Variants in FILIP1 observed in about 807,000 individuals in gnomAD.
The protein encoded by FILIP1 is filamin A interacting protein 1.
In FILIP1, 61 loss-of-function variants were observed where a neutral mutation model predicts 102.1. The observed-to-expected ratio is 0.60, with a 90% CI of 0.49 to 0.74. The LOEUF is 0.74. FILIP1 is among the 30% of genes least tolerant of loss of function. FILIP1 has a pLI of 0.00. For synonymous variants in FILIP1, 491 were observed against 526.9 expected, an observed-to-expected ratio of 0.93 and a Z score of 0.93; for missense variants, 1,314 against 1,441.2, an observed-to-expected ratio of 0.91 and a Z score of 1.43.
chr6:75,460,061 T>A (rs376412394), intron 1 of FILIP1, among the ~76,000 whole-genome samples: 1 of 152,188 alleles, frequency 6.6e-6, no homozygotes, highest in Non-Finnish European at 1.5e-5. Flanking sequence ...GGAGGCCCCA[T>A]AATTCCCTCT....
chr6:75,314,550 G>A lies in FILIP1; in HGVS notation c.1282C>T (p.Leu428=). 1 of 1,613,950 alleles carries A rather than the reference G, an allele frequency of 6.2e-7. No homozygotes were observed. Among genetic ancestry groups the A allele is most frequent in the Non-Finnish European group, 8.5e-7 (1 of 1,180,006 alleles). Residue 428 remains leucine, a synonymous_variant, in exon 5 of 6, where the codon CTA becomes TTA. Transcript: ENST00000237172. ...SKELRLEVEK[L]QKRMSELEKL... ...TCTAGTTCAGACATTCTCTTCTGTA[G>A]CTTCTCAACTTCAAGTCTGAGCTCC...
exon 7 of FILIP1, chr6:75,295,080 CTA>C (rs1772636040): frequency 6.6e-6 from 1 of 151,818 alleles, no homozygotes; most frequent in Non-Finnish European, 1.5e-5. Context: ...ATTGTGAGAA[CTA>C]TCTTTATTTC....
At chr6:75,341,400 T>C (rs1774416959) in intron 4 of FILIP1, among the ~76,000 whole-genome samples, 1 of 151,966 alleles carries the variant, frequency 6.6e-6, no homozygotes, top group African/African-American at 2.4e-5. Flanking sequence ...TCAAGTGATC[T>C]GCCTGCCTCA....
At chr6:75,476,925 C>A (rs1366117279) in intron 1 of FILIP1, among the ~76,000 whole-genome samples, 3 of 152,160 alleles carry the variant, frequency 2.0e-5, no homozygotes, top group African/African-American at 7.2e-5. Context: ...TTCTGTTATA[C>A]AACAATATGG....
intron 1 of FILIP1, among the ~76,000 whole-genome samples, chr6:75,469,381 C>G (rs1403538998): frequency 3.1e-4 from 47 of 151,884 alleles, no homozygotes; most frequent in Admixed American, 3.1e-3. Flanking sequence ...AATTTTTACA[C>G]TATCACAAAA....
At chr6:75,372,258 T>C (rs1775544766) in intron 2 of FILIP1, among the ~76,000 whole-genome samples, 1 of 151,122 alleles carries the variant, frequency 6.6e-6, no homozygotes, top group Non-Finnish European at 1.5e-5. Flanking sequence ...TCCCAGCTAC[T>C]CGAGAGGCTG....
chr6:75,477,358 G>T (rs1445549078), intron 1 of FILIP1, among the ~76,000 whole-genome samples: 1 of 151,918 alleles, frequency 6.6e-6, no homozygotes, highest in Non-Finnish European at 1.5e-5. Flanking sequence ...TGAGATCTAT[G>T]CCACAGCAGA....
At chr6:75,399,294 T>C (rs985244612) in intron 2 of FILIP1, 5 of 152,222 alleles carry the variant, frequency 3.3e-5, no homozygotes, top group Non-Finnish European at 5.9e-5. Context: ...TCCAAGTTTT[T>C]GTGAAGTTTA....
chr6:75,415,310 A>G (rs778086970), intron 1 of FILIP1, among the ~76,000 whole-genome samples: 39 of 152,060 alleles, frequency 2.6e-4, no homozygotes, highest in African/African-American at 9.2e-4. Context: ...GGAGATGTCA[A>G]TTATAGAGGA....
chr6:75,487,907 C>T (rs1779839209), intron 1 of FILIP1, among the ~76,000 whole-genome samples: 1 of 151,938 alleles, frequency 6.6e-6, no homozygotes, highest in African/African-American at 2.4e-5. Context: ...ATCATCGTTT[C>T]CTCAATGTTT....
At chr6:75,343,853 T>G (rs901330125) in intron 4 of FILIP1, among the ~76,000 whole-genome samples, 4 of 152,224 alleles carry the variant, frequency 2.6e-5, no homozygotes, top group African/African-American at 9.6e-5. Context: ...ATTTTATTAT[T>G]GTAACCCTTG....
intron 1 of FILIP1, among the ~76,000 whole-genome samples, chr6:75,417,002 G>T (rs1777292974): frequency 6.6e-6 from 1 of 151,876 alleles, no homozygotes; most frequent in African/African-American, 2.4e-5. Context: ...ATTTCATTCT[G>T]AAATTAATAT....
intron 1 of FILIP1, among the ~76,000 whole-genome samples, chr6:75,418,345 T>C (rs1218594919): frequency 1.3e-5 from 2 of 152,252 alleles, no homozygotes; most frequent in Admixed American, 6.5e-5. Flanking sequence ...TAATATGTTT[T>C]CTGAAATAAT....
intron 1 of FILIP1, among the ~76,000 whole-genome samples, chr6:75,452,579 A>G (rs1778671230): frequency 6.6e-6 from 1 of 152,224 alleles, no homozygotes; most frequent in Non-Finnish European, 1.5e-5. Context: ...CATTGGAAAC[A>G]ACTTAGATGA....
intron 2 of FILIP1, chr6:75,386,328 CA>C (rs1197988488): frequency 6.6e-6 from 1 of 152,196 alleles, no homozygotes; most frequent in African/African-American, 2.4e-5. Context: ...GAACTCACTT[CA>C]TGTTCAACAG....
chr6:75,362,935 G>C lies in FILIP1; in HGVS notation c.277-18C>G. ...TCTCTGGCCTGTAATAGAAAGTGCA[G>C]CAAGATCAGACGACTGACAATGTAA... On this transcript the variant is annotated intron_variant, in intron 2 of 5. Transcript: ENST00000237172. The C allele has an allele frequency of 6.2e-7, 1 of 1,610,424 alleles. No individual in the cohort carries two copies. Among genetic ancestry groups the C allele is most frequent in the Middle Eastern group, 1.7e-4 (1 of 6,044 alleles).
chr6:75,319,631 C>A, intron 4 of FILIP1: 1 of 419,108 alleles, frequency 2.4e-6, no homozygotes, highest in Non-Finnish European at 4.6e-6. Flanking sequence ...GAGATCGAGA[C>A]CATCCTGGCT....
chr6:75,313,085 G>T lies in FILIP1; in HGVS notation c.2747C>A (p.Pro916Gln). The change falls in exon 5 of 6, where the codon CCA (proline) becomes CAA (glutamine). Residue 916 changes from proline (P) to glutamine (Q), a missense_variant. Pro to Gln is a moderately conservative substitution (Grantham distance 76). Around this residue, in one of 3 missense-constraint regions of FILIP1, gnomAD observed 816 missense variants for 913.1 expected, o/e 0.89. Transcript: ENST00000237172. This position sits in a 1 kb window ranked among gnomAD's most constrained non-coding sequence, Gnocchi z 4.2. ...QGQPLHIRVT[P>Q]DHENSTATLE... ...AGTCGCAGTGCTGTTCTCGTGGTCT[G>T]GTGTCACTCGAATATGCAGGGGCTG... 6 of 1,614,204 alleles carry T rather than the reference G, an allele frequency of 3.7e-6. No homozygotes were observed. Among genetic ancestry groups the T allele is most frequent in the Non-Finnish European group, 5.1e-6 (6 of 1,180,042 alleles).
At chr6:75,488,150 T>C (rs1170442607) in intron 1 of FILIP1, among the ~76,000 whole-genome samples, 1 of 152,166 alleles carries the variant, frequency 6.6e-6, no homozygotes, top group Admixed American at 6.6e-5. Flanking sequence ...TTTTGATGTC[T>C]CAGTGTTGCT....
Sources: allele counts gnomAD v4.1 joint callset (sites outside exome capture counted in the v4.1 genomes callset), GRCh38; gene constraint gnomAD v4.1.1; regional missense constraint gnomAD v4.1.1; non-coding constraint Gnocchi (gnomAD v3.1); transcripts MANE v1.5; gene names NCBI Gene and HGNC (gene_info 2026-07-23, HGNC 2026-07-21).